Variants in UTP4 observed in about 807,000 individuals in gnomAD.
The protein encoded by UTP4 is U3 small nucleolar RNA-associated protein 4 homolog.
In UTP4, 45 loss-of-function variants were observed where a neutral mutation model predicts 82.4. That is an observed-to-expected ratio of 0.55 (90% CI 0.43 to 0.70). The LOEUF is 0.70. Ranked by LOEUF, UTP4 falls within the 30% of genes least tolerant of loss-of-function variation. The pLI is 0.00. For missense variants in UTP4, 819 were observed against 858.3 expected (o/e 0.95, Z 0.57); for synonymous variants, 348 against 300.3 (o/e 1.16, Z -1.64).
At chr16:69,162,676 C>T (rs1963592684) in intron 13 of UTP4, among the ~76,000 whole-genome samples, 1 of 147,328 alleles carries the variant, frequency 6.8e-6, no homozygotes, top group Non-Finnish European at 1.5e-5. Flanking sequence ...CATGCCATTG[C>T]ACTCCAGCCT....
In UTP4 at chr16:69,163,197, C is replaced by T; in HGVS notation, c.1647+19C>T. 6.4e-7 allele frequency: 1 copy of T among 1,574,242 alleles called. No homozygotes were observed. Among genetic ancestry groups the T allele is most frequent in the Non-Finnish European group, 8.7e-7 (1 of 1,143,632 alleles). ...CCAGCAGGTAAGGGAGATTCCAGTG[C>T]TTTCTATTCCCTTCCTGCTGGATAG... is the stretch of plus-strand genomic sequence containing the variant. On this transcript the variant is annotated intron_variant, in intron 14 of 16. Transcript: ENST00000314423.
intron 16 of UTP4, chr16:69,167,428 G>A (rs557076803): frequency 2.0e-6 from 1 of 489,590 alleles, no homozygotes; most frequent in South Asian, 2.1e-5. Flanking sequence ...AGTGAGAAAT[G>A]TTGGCGCTGA....
intron 2 of UTP4, among the ~76,000 whole-genome samples, chr16:69,136,381 C>G (rs1437011967): frequency 6.6e-6 from 1 of 152,188 alleles, no homozygotes; most frequent in Non-Finnish European, 1.5e-5. Context: ...GTGTGTGCCA[C>G]CACACCCGGC....
intron 7 of UTP4, 37 bp from the exon 8 acceptor site, chr16:69,150,776 C>T (rs1456896180): frequency 6.2e-7 from 1 of 1,612,912 alleles, no homozygotes; most frequent in Non-Finnish European, 8.5e-7. Flanking sequence ...GTGAGGATGA[C>T]TTCTAATTCT....
chr16:69,141,611 C>T (rs867546323), intron 5 of UTP4, among the ~76,000 whole-genome samples: 1 of 152,004 alleles, frequency 6.6e-6, no homozygotes, highest in Non-Finnish European at 1.5e-5. Context: ...AATCCAATAC[C>T]CACGTCCTTC....
Position 69,169,000 on chromosome 16 carries a change from T to C in UTP4, c.*63T>C, listed in dbSNP as rs774218580. ...CCCTGTTGCTTTTCACAAATCATGG[T>C]AATAAAACAAGTTATTCTTGAGGAC... is the stretch of plus-strand genomic sequence containing the variant. On this transcript the variant is annotated 3_prime_UTR_variant, in exon 17 of 17. Transcript: ENST00000314423. The C allele has an allele frequency of 1.4e-4, 140 of 998,488 alleles. No individual in the cohort carries two copies. Among genetic ancestry groups the C allele is most frequent in the Non-Finnish European group, 7.3e-5 (45 of 617,400 alleles). 61.9% of individuals were successfully genotyped at this position (998,488 alleles called of 1,614,324 possible).
chr16:69,163,570 G>A (rs569110802), intron 14 of UTP4, among the ~76,000 whole-genome samples: 7 of 152,052 alleles, frequency 4.6e-5, no homozygotes, highest in East Asian at 1.9e-4. Context: ...TACGCTTGCC[G>A]ATGAGGAAAT....
intron 1 of UTP4, 114 bp from the exon 2 acceptor site, chr16:69,133,344 A>G (rs1962700887): frequency 2.1e-6 from 2 of 964,974 alleles, no homozygotes; most frequent in African/African-American, 1.6e-5. Flanking sequence ...AATGAACTTC[A>G]GGGAGATGTT....
chr16:69,140,428 C>T (rs894302824), intron 5 of UTP4, among the ~76,000 whole-genome samples: 1 of 152,108 alleles, frequency 6.6e-6, no homozygotes. Flanking sequence ...AGAGATAAAA[C>T]AGGTTGGCTG....
chr16:69,154,106 A>G (rs1292421902), intron 9 of UTP4, among the ~76,000 whole-genome samples: 2 of 152,184 alleles, frequency 1.3e-5, no homozygotes, highest in Non-Finnish European at 2.9e-5. Context: ...GAGTCCTCTC[A>G]TTTGCAGTGG....
At chr16:69,134,132 G>A (rs768545024) in intron 2 of UTP4, among the ~76,000 whole-genome samples, 10 of 152,144 alleles carry the variant, frequency 6.6e-5, no homozygotes, top group Non-Finnish European at 1.3e-4. Context: ...TGTCCTTTGG[G>A]TGTATGCAGA....
At chr16:69,146,365 C>T (rs1963107662) in intron 6 of UTP4, among the ~76,000 whole-genome samples, 1 of 152,120 alleles carries the variant, frequency 6.6e-6, no homozygotes, top group Non-Finnish European at 1.5e-5. Flanking sequence ...ACTTTCTGTT[C>T]CTATGAATTT....
At position 69,165,364 on chromosome 16, in the gene UTP4, C is replaced by G. The variant is rs1211801332; in HGVS notation, c.1671C>G (p.Asp557Glu). The G allele has an allele frequency of 1.9e-6, 3 of 1,614,156 alleles. No individual in the cohort carries two copies. The highest frequency in any genetic ancestry group is 1.7e-6 in the Non-Finnish European group (2 of 1,180,030). Reference sequence around the variant, plus strand: ...AGGTATTTGAGTACAGCATCCCAGACAAACAGTATACAGATTGGAGCCGGA... The same window carrying G: ...AGGTATTTGAGTACAGCATCCCAGAGAAACAGTATACAGATTGGAGCCGGA... ...DQQVFEYSIP[D>E]KQYTDWSRTV... is the part of the protein sequence containing the mutation. The change falls in exon 15 of 17, where the codon GAC becomes GAG. Residue 557 changes from aspartate (D) to glutamate (E), a missense_variant. Coordinates refer to ENST00000314423, the MANE Select transcript of UTP4 (RefSeq NM_032830.3).
chr16:69,153,913 G>A (rs1963343230), intron 9 of UTP4, among the ~76,000 whole-genome samples: 1 of 151,958 alleles, frequency 6.6e-6, no homozygotes, highest in Admixed American at 6.6e-5. Flanking sequence ...TGCGCTGCAG[G>A]GTGTAGTCAA....
chr16:69,165,343 A>G lies in UTP4; in HGVS notation c.1650A>G (p.Val550=). The part of the protein sequence containing the change: ...NLVIAHSDQQ[V]FEYSIPDKQY... ...CTCTATGTCATGTCCTCCCTCAGGTATTTGAGTACAGCATCCCAGACAAAC... is the reference window on the plus strand; with the variant it reads ...CTCTATGTCATGTCCTCCCTCAGGTGTTTGAGTACAGCATCCCAGACAAAC... Residue 550 remains valine (V), a splice_region_variant and synonymous_variant, in exon 15 of 17, where the codon GTA becomes GTG. Coordinates refer to ENST00000314423, the MANE Select transcript of UTP4 (RefSeq NM_032830.3). 1.3e-5 allele frequency: 21 copies of G among 1,614,104 alleles called. No individual in the cohort carries two copies. Among genetic ancestry groups the G allele is most frequent in the Non-Finnish European group, 1.7e-5 (20 of 1,180,004 alleles).
intron 13 of UTP4, among the ~76,000 whole-genome samples, chr16:69,162,118 C>G (rs1046112519): frequency 2.6e-5 from 4 of 151,970 alleles, no homozygotes; most frequent in African/African-American, 9.7e-5. Flanking sequence ...CAGGTGCACG[C>G]CACCACACCC....
At chr16:69,136,359 C>T (rs1414052839) in intron 2 of UTP4, among the ~76,000 whole-genome samples, 1 of 152,180 alleles carries the variant, frequency 6.6e-6, no homozygotes, top group Non-Finnish European at 1.5e-5. Context: ...TCCGTAGTAG[C>T]TGGGACTATA....
intron 10 of UTP4, among the ~76,000 whole-genome samples, chr16:69,155,199 G>C (rs1021985624): frequency 2.0e-5 from 3 of 151,982 alleles, no homozygotes; most frequent in African/African-American, 7.3e-5. Flanking sequence ...TTTGAGGCAG[G>C]GTCTCATTGT....
chr16:69,154,703 CTTTTATTTATTT>C (rs1027354718), intron 10 of UTP4, among the ~76,000 whole-genome samples: 22 of 136,294 alleles, frequency 1.6e-4, no homozygotes, highest in African/African-American at 5.4e-4. Context: ...AAATAATGTG[CTTTTATTTATTT>C]ATTTATTTAT....
Sources: gnomAD v4.1 joint callset for allele counts (sites outside exome capture counted in the v4.1 genomes callset) on GRCh38, gnomAD v4.1.1 for gene constraint, MANE v1.5 for transcripts, NCBI Gene and HGNC (gene_info 2026-07-23, HGNC 2026-07-21) for gene names.